FAM180A: variants seen among roughly 807,000 people sequenced by gnomAD.
FAM180A encodes the protein family with sequence similarity 180 member A.
Under a neutral mutation model 15.3 loss-of-function variants are expected in FAM180A, and 14 were observed. That is an observed-to-expected ratio of 0.92 (90% CI 0.61 to 1.43). The LOEUF (loss-of-function observed/expected upper bound fraction) is 1.43, where lower values mean the gene tolerates loss of function less well. FAM180A is among the 40% of genes most tolerant of loss of function. The pLI is 0.00. For synonymous variants in FAM180A, 90 were observed against 96.8 expected (o/e 0.93, Z 0.41); for missense variants, 200 against 220.8 (o/e 0.91, Z 0.60).
At chr7:135,740,980 A>C (rs1311923336) in intron 1 of FAM180A, among the ~76,000 whole-genome samples, 31 of 146,026 alleles carry the variant, frequency 2.1e-4, no homozygotes, top group East Asian at 6.1e-4. Context: ...AAAACAAAAA[A>C]AAAAACCTCA....
chr7:135,744,628 C>G (rs1208168258), intron 1 of FAM180A, among the ~76,000 whole-genome samples: 2 of 152,152 alleles, frequency 1.3e-5, no homozygotes, highest in African/African-American at 4.8e-5. Context: ...TAGGGGGGAG[C>G]TTGGGGCTGC....
chr7:135,734,789 G>A (rs1227802100), intron 2 of FAM180A, among the ~76,000 whole-genome samples: 1 of 152,252 alleles, frequency 6.6e-6, no homozygotes, highest in Non-Finnish European at 1.5e-5. Flanking sequence ...AAGACAAGGT[G>A]AGACTGGATT....
At chr7:135,741,473 G>A (rs1234054446) in intron 1 of FAM180A, among the ~76,000 whole-genome samples, 1 of 149,620 alleles carries the variant, frequency 6.7e-6, no homozygotes, top group Non-Finnish European at 1.5e-5. Flanking sequence ...CCGAGATCAT[G>A]CCACTTCACT....
At chr7:135,741,749 G>A (rs1796953833) in intron 1 of FAM180A, among the ~76,000 whole-genome samples, 1 of 151,878 alleles carries the variant, frequency 6.6e-6, no homozygotes, top group Non-Finnish European at 1.5e-5. Flanking sequence ...AACTGGGCCT[G>A]GGAGGTCAAG....
chr7:135,748,573 C>T lies in FAM180A; in HGVS notation c.8G>A (p.Trp3Ter), dbSNP rs555806460. The change falls in exon 1 of 4, where the codon TGG becomes TAG. Residue 3 changes from tryptophan (W) to a stop codon, truncating the protein, a stop_gained. Transcript: ENST00000338588. LOFTEE classifies it high-confidence loss of function. Reference sequence around the variant, plus strand: ...CAACAGCAGAAGCAGCAACATCTTCCAATGCATCTTGTCCTTCAAAAGGTG... The same window carrying T: ...CAACAGCAGAAGCAGCAACATCTTCTAATGCATCTTGTCCTTCAAAAGGTG... The part of the protein sequence containing the change: MH[W>*]KMLLLLLLYY... 2 of 1,613,780 alleles carry T rather than the reference C, an allele frequency of 1.2e-6. No homozygotes were observed. The highest frequency in any genetic ancestry group is 1.7e-6 in the Non-Finnish European group (2 of 1,179,708).
chr7:135,740,609 C>T (rs762920549), intron 1 of FAM180A, among the ~76,000 whole-genome samples: 45 of 152,234 alleles, frequency 3.0e-4, no homozygotes, highest in Non-Finnish European at 5.6e-4. Flanking sequence ...CACAGACAGG[C>T]CGATGGTGTC....
At chr7:135,744,037 C>A (rs1025586821) in intron 1 of FAM180A, among the ~76,000 whole-genome samples, 6 of 152,074 alleles carry the variant, frequency 3.9e-5, no homozygotes, top group Non-Finnish European at 7.4e-5. Flanking sequence ...TGGGCCTGGA[C>A]GAAGCTAGTT....
At chr7:135,734,991 T>C (rs1482353225) in intron 2 of FAM180A, among the ~76,000 whole-genome samples, 1 of 152,194 alleles carries the variant, frequency 6.6e-6, no homozygotes, top group African/African-American at 2.4e-5. Flanking sequence ...AACCTCCACC[T>C]CCTGGGTTCA....
At chr7:135,746,120 C>T (rs1040673006) in intron 1 of FAM180A, among the ~76,000 whole-genome samples, 1 of 152,130 alleles carries the variant, frequency 6.6e-6, no homozygotes, top group Non-Finnish European at 1.5e-5. Context: ...TAGCACGTCA[C>T]ATCCGCTGCC....
At chr7:135,745,027 A>C (rs1349671060) in intron 1 of FAM180A, among the ~76,000 whole-genome samples, 1 of 152,128 alleles carries the variant, frequency 6.6e-6, no homozygotes, top group Non-Finnish European at 1.5e-5. Context: ...CCTTGCCTTA[A>C]GTGATCCTAC....
chr7:135,745,634 C>A (rs1375752360), intron 1 of FAM180A, among the ~76,000 whole-genome samples: 1 of 151,998 alleles, frequency 6.6e-6, no homozygotes, highest in Non-Finnish European at 1.5e-5. Context: ...AGGGTGGAAT[C>A]CTAGAGAGCG....
chr7:135,734,619 G>T (rs1249312420), intron 2 of FAM180A, among the ~76,000 whole-genome samples: 2 of 152,218 alleles, frequency 1.3e-5, no homozygotes, highest in Non-Finnish European at 2.9e-5. Flanking sequence ...TTCAAAACCA[G>T]TATTTAAGGG....
Position 135,746,010 on chromosome 7 carries a change from T to C in FAM180A, c.76+2495A>G, listed in dbSNP as rs573302252. Among the ~76,000 whole-genome samples the C allele has an allele frequency of 2.0e-3, 303 of 151,466 alleles. 2 individuals carry two copies. Among genetic ancestry groups the C allele is most frequent in the Non-Finnish European group, 1.5e-3 (101 of 67,992 alleles). The stretch of plus-strand genomic sequence containing the variant: ...TTTCTTTTATAATTAGAAAAAAATG[T>C]TAAAAATGAAAAAAAAATCAACTAC... On this transcript the variant is annotated intron_variant, in intron 1 of 3. Coordinates refer to ENST00000338588, the MANE Select transcript of FAM180A (RefSeq NM_205855.4).
At chr7:135,741,632 T>C (rs1796951262) in intron 1 of FAM180A, among the ~76,000 whole-genome samples, 1 of 151,988 alleles carries the variant, frequency 6.6e-6, no homozygotes, top group South Asian at 2.1e-4. Flanking sequence ...GAGACCAGTC[T>C]GGGCAACATA....
At position 135,733,831 on chromosome 7, in the gene FAM180A, G is replaced by A; in HGVS notation, c.*144C>T. On this transcript the variant is annotated 3_prime_UTR_variant, in exon 3 of 4. Transcript: ENST00000338588. ...TCCAGGAAACTACAAGGAGAAAAGA[G>A]CATCGGGGTTACTGTTTGATCTCTG... 7.1e-7 allele frequency: 1 copy of A among 1,404,492 alleles called. No individual in the cohort carries two copies. The highest frequency in any genetic ancestry group is 2.6e-5 in the East Asian group (1 of 38,478). The allele number at this position is 1,404,492 out of a possible 1,614,324, so 87.0% of individuals were successfully genotyped here.
chr7:135,742,609 C>T (rs1013558376), intron 1 of FAM180A, among the ~76,000 whole-genome samples: 1 of 152,194 alleles, frequency 6.6e-6, no homozygotes, highest in African/African-American at 2.4e-5. Flanking sequence ...GACTCACTTG[C>T]TAAAGGTCAT....
chr7:135,734,132 T>A lies in FAM180A; in HGVS notation c.365A>T (p.Asp122Val). 1.2e-6 allele frequency: 2 copies of A among 1,614,146 alleles called. No individual in the cohort carries two copies. Among genetic ancestry groups the A allele is most frequent in the South Asian group, 2.2e-5 (2 of 91,082 alleles). ...CAGGGTCAGCACTGTCCTTTCAAAG[T>A]CTTCTTTCTTGAGGATGCCAGGGTG... is the stretch of plus-strand genomic sequence containing the variant. ...SSHPGILKKEDFERTVLTLAY... is the reference protein window; with the variant it reads ...SSHPGILKKEVFERTVLTLAY... The change falls in exon 3 of 4, where the codon GAC becomes GTC. Residue 122 changes from aspartate to valine, a missense_variant. By Grantham distance (152) the Asp-to-Val change is radical. Coordinates refer to ENST00000338588, the MANE Select transcript of FAM180A (RefSeq NM_205855.4).
intron 1 of FAM180A, among the ~76,000 whole-genome samples, chr7:135,738,392 C>T (rs1029603189): frequency 1.3e-5 from 2 of 152,142 alleles, no homozygotes; most frequent in Admixed American, 6.5e-5. Flanking sequence ...CAGGATTTCA[C>T]CATGTTGGCC....
chr7:135,742,350 A>G (rs1393490191), intron 1 of FAM180A, among the ~76,000 whole-genome samples: 25 of 152,326 alleles, frequency 1.6e-4, no homozygotes, highest in Admixed American at 1.5e-3. Context: ...GGAAATGCTG[A>G]TGGCTGAAAC....
Sources: allele counts gnomAD v4.1 joint callset (sites outside exome capture counted in the v4.1 genomes callset), GRCh38; gene constraint gnomAD v4.1.1; transcripts MANE v1.5; gene names NCBI Gene and HGNC (gene_info 2026-07-23, HGNC 2026-07-21).